Variants in PTBP1 observed in about 807,000 individuals in gnomAD.
PTBP1 encodes polypyrimidine tract-binding protein 1.
A neutral mutation model predicts 59.8 loss-of-function variants in PTBP1; 8 were observed. That is an observed-to-expected ratio of 0.13 (90% CI 0.08 to 0.24). The LOEUF is 0.24. Ranked by LOEUF, PTBP1 falls within the 10% of genes least tolerant of loss-of-function variation. PTBP1 has a pLI of 1.00. For synonymous variants in PTBP1, 490 were observed against 320.7 expected, an observed-to-expected ratio of 1.53 and a Z score of -5.64; for missense variants, 686 against 767.0, an observed-to-expected ratio of 0.89 and a Z score of 1.25.
intron 2 of PTBP1, 58 bp from the exon 3 acceptor site, chr19:803,503 G>A: frequency 6.7e-7 from 1 of 1,492,144 alleles, no homozygotes; most frequent in Non-Finnish European, 9.3e-7. Flanking sequence ...CGGCCGGTGG[G>A]GAAGGGAGGC....
At chr19:800,192 C>T (rs1265528526) in intron 2 of PTBP1, among the ~76,000 whole-genome samples, 2 of 151,930 alleles carry the variant, frequency 1.3e-5, no homozygotes, top group African/African-American at 4.8e-5. Flanking sequence ...CCTTGGCCTC[C>T]CACAGTGCTG....
chr19:802,680 C>G (rs1372027944), intron 2 of PTBP1, among the ~76,000 whole-genome samples: 1 of 152,208 alleles, frequency 6.6e-6, no homozygotes, highest in Non-Finnish European at 1.5e-5. Flanking sequence ...TCCTCAGACC[C>G]GAGCTTTGTT....
intron 1 of PTBP1, chr19:799,203 T>G: frequency 1.5e-6 from 1 of 651,694 alleles, no homozygotes; most frequent in Non-Finnish European, 2.8e-6. Context: ...CAAAGGACAA[T>G]GGTGGCCCCT....
rs745379794 is a variant in PTBP1, at chr19:806,518, G to A, written c.1081G>A (p.Gly361Arg). 6.4e-7 allele frequency: 1 copy of A among 1,564,308 alleles called. No individual in the cohort carries two copies. Among genetic ancestry groups the A allele is most frequent in the South Asian group, 1.2e-5 (1 of 85,788 alleles). The stretch of plus-strand genomic sequence containing the variant: ...CGCCATCCCGGGCCTGGCGGGGGCA[G>A]GAAATTCTGTATTGCTGGTCAGCAA... Reference protein sequence around the residue: ...RIAIPGLAGAGNSVLLVSNLN... With the variant: ...RIAIPGLAGARNSVLLVSNLN... The change falls in exon 10 of 15, where the codon GGA becomes AGA. Residue 361 changes from glycine to arginine, a missense_variant. Physicochemically the swap from Gly to Arg is moderately radical, Grantham distance 125. Coordinates refer to ENST00000356948, the MANE Select transcript of PTBP1 (RefSeq NM_002819.5).
chr19:806,962 T>C (rs1239906952), intron 10 of PTBP1: 2 of 164,874 alleles, frequency 1.2e-5, no homozygotes, highest in African/African-American at 4.8e-5. Context: ...GTGGATCCGT[T>C]ATTTCCCAGA....
Position 810,567 on chromosome 19 carries a change from C to G in PTBP1, c.1488C>G (p.Leu496=). Residue 496 remains leucine, a synonymous_variant, in exon 14 of 15, where the codon CTC becomes CTG. Transcript: ENST00000356948. ...NIPPSVSEED[L]KVLFSSNGGV... is the part of the protein sequence containing the mutation. ...GGCCCTCAGTCTCCGAGGAGGATCT[C>G]AAGGTCCTGTTTTCCAGCAATGGGG... 1.2e-6 allele frequency: 2 copies of G among 1,613,750 alleles called. No homozygotes were observed. Among genetic ancestry groups the G allele is most frequent in the Non-Finnish European group, 1.7e-6 (2 of 1,179,894 alleles).
At chr19:806,735 T>C in intron 10 of PTBP1, 179 bp downstream of exon 10, 1 of 530,358 alleles carries the variant, frequency 1.9e-6, no homozygotes, top group South Asian at 3.6e-5. Context: ...GTTTTCCTCT[T>C]TTCCTGAATT....
At position 808,484 on chromosome 19, in the gene PTBP1, G is replaced by A; in HGVS notation, c.1246+32G>A. ...GGCCGGGGCGGCCCCGGGGTGGAGGGGGCAGGGGCGGGGGCTGCGTTCCCT... is the reference window on the plus strand; with the variant it reads ...GGCCGGGGCGGCCCCGGGGTGGAGGAGGCAGGGGCGGGGGCTGCGTTCCCT... On this transcript the variant is annotated intron_variant, in intron 12 of 14. Coordinates refer to ENST00000356948, the MANE Select transcript of PTBP1 (RefSeq NM_002819.5). This position sits in a 1 kb window ranked among gnomAD's most constrained non-coding sequence, Gnocchi z 4.7. 4.5e-6 allele frequency: 7 copies of A among 1,561,288 alleles called. No homozygotes were observed. The highest frequency in any genetic ancestry group is 6.1e-6 in the Non-Finnish European group (7 of 1,154,216).
At position 810,865 on chromosome 19, in the gene PTBP1, T is replaced by G. The variant is rs1335110266; in HGVS notation, c.*39T>G. On this transcript the variant is annotated 3_prime_UTR_variant, in exon 15 of 15. Coordinates refer to ENST00000356948, the MANE Select transcript of PTBP1 (RefSeq NM_002819.5). ...CACGGCCGGGCCCCCTGGCGACAAC[T>G]TCCATCATTCCAGAGAAAAGCCACT... 1 of 1,492,912 alleles carries G rather than the reference T, an allele frequency of 6.7e-7. No individual in the cohort carries two copies. The highest frequency in any genetic ancestry group is 8.9e-7 in the Non-Finnish European group (1 of 1,128,516). 92.5% of individuals were successfully genotyped at this position (1,492,912 alleles called of 1,614,324 possible). A position where few individuals can be genotyped will look rare whatever the true frequency, so the allele number is the denominator to read the frequency against.
intron 9 of PTBP1, chr19:806,137 G>T (rs1323478989): frequency 7.7e-6 from 3 of 387,170 alleles, no homozygotes; most frequent in Admixed American, 4.7e-5. Flanking sequence ...TGGCGGAGCC[G>T]GAGCTTTTCT....
At chr19:802,458 AG>A (rs375794352) in intron 2 of PTBP1, among the ~76,000 whole-genome samples, 1 of 56,280 alleles carries the variant, frequency 1.8e-5, no homozygotes, top group Admixed American at 1.8e-4. Context: ...GGGTTGTCTG[AG>A]GGGGGACAGG....
At chr19:805,387 TCTGCCGGGGCC>T (rs2145050112) in intron 8 of PTBP1, 94 bp from the exon 9 acceptor site, 1 of 1,286,092 alleles carries the variant, frequency 7.8e-7, no homozygotes, top group South Asian at 1.3e-5. Flanking sequence ...CCGCGAAGGC[TCTGCCGGGGCC>T]GCCCGCCGGC....
rs964109360 is a variant in PTBP1, at chr19:808,144, C to T, written c.1154-216C>T. On this transcript the variant is annotated intron_variant, in intron 11 of 14. Transcript: ENST00000356948. The surrounding 1 kb of genome is among the most constrained non-coding windows in gnomAD (Gnocchi z 4.7). ...TGGCATATGCCACCGTGGCCACCCG[C>T]TGGCAGCTTACCTGTCCTGGATGCT... 4.7e-6 allele frequency: 3 copies of T among 631,892 alleles called. No homozygotes were observed. The highest frequency in any genetic ancestry group is 2.8e-5 in the Admixed American group (1 of 35,250). The allele number at this position is 631,892 out of a possible 1,614,324, so 39.1% of individuals were successfully genotyped here.
chr19:800,501 G>C (rs2034285228), intron 2 of PTBP1, among the ~76,000 whole-genome samples: 1 of 152,176 alleles, frequency 6.6e-6, no homozygotes, highest in South Asian at 2.1e-4. Context: ...ATTGTGGGTT[G>C]AGGGGGCTCC....
At chr19:806,231 C>T (rs2034565617) in intron 9 of PTBP1, 177 bp from the exon 10 acceptor site, 2 of 601,902 alleles carry the variant, frequency 3.3e-6, no homozygotes, top group Non-Finnish European at 5.3e-6. Context: ...GTGCAGGAGC[C>T]GGCGGGTGGC....
At chr19:805,961 C>T (rs916673922) in intron 9 of PTBP1, 1 of 265,048 alleles carries the variant, frequency 3.8e-6, no homozygotes, top group South Asian at 5.1e-5. Flanking sequence ...TGTGCGTGGC[C>T]GTCCTCCCGC....
chr19:806,331 G>A (rs888036198), intron 9 of PTBP1, 77 bp from the exon 10 acceptor site: 107 of 1,458,368 alleles, frequency 7.3e-5, no homozygotes, highest in Non-Finnish European at 9.2e-5. Context: ...GGTGCATGAG[G>A]ACGGGGAGCG....
Position 809,565 on chromosome 19 carries a change from C to A in PTBP1, c.1463+803C>A, listed in dbSNP as rs373645282. Among the ~76,000 whole-genome samples, 57 of 151,728 alleles carry A rather than the reference C, an allele frequency of 3.8e-4. No individual in the cohort carries two copies. The South Asian group carries it at 0.012, about 31-fold the overall frequency. ...TCGATCTCCTGACTTTGTGATCAAC[C>A]CGCCTCGGCCTCCCAAAGTGCTGGG... On this transcript the variant is annotated intron_variant, in intron 13 of 14. Transcript: ENST00000356948.
At chr19:800,343 T>C (rs1031953493) in intron 2 of PTBP1, among the ~76,000 whole-genome samples, 9 of 152,140 alleles carry the variant, frequency 5.9e-5, no homozygotes, top group Non-Finnish European at 1.3e-4. Flanking sequence ...TGTGCGAATC[T>C]TGCAGCCCCA....
Sources: gnomAD v4.1 joint callset for allele counts (sites outside exome capture counted in the v4.1 genomes callset) on GRCh38, gnomAD v4.1.1 for gene constraint, Gnocchi (gnomAD v3.1) non-coding constraint, MANE v1.5 for transcripts, NCBI Gene and HGNC (gene_info 2026-07-23, HGNC 2026-07-21) for gene names.